The following FSTL5 variants were observed in gnomAD, a reference collection of about 807,000 sequenced individuals.
FSTL5 encodes the protein follistatin-related protein 5.
A neutral mutation model predicts 89.1 loss-of-function variants in FSTL5; 62 were observed. The observed-to-expected ratio is 0.70, with a 90% CI of 0.57 to 0.86. The LOEUF (loss-of-function observed/expected upper bound fraction) is 0.86, where lower values mean the gene tolerates loss of function less well. Among genes scored for constraint, FSTL5 ranks in the 40% least tolerant of loss-of-function variants. The pLI, the probability that FSTL5 is intolerant of heterozygous loss-of-function variation, is 0.00. For synonymous variants in FSTL5, 383 were observed against 346.2 expected (o/e 1.11, Z -1.18); for missense variants, 1,057 against 1,001.6 (o/e 1.06, Z -0.75).
intron 4 of FSTL5, among the ~76,000 whole-genome samples, chr4:161,787,214 G>T (rs894990417): frequency 3.3e-5 from 5 of 152,024 alleles, no homozygotes; most frequent in Admixed American, 3.3e-4. Context: ...GATGTTTAAG[G>T]TAACTGTGGA....
At position 161,565,782 on chromosome 4, in the gene FSTL5, C is replaced by CACACACAT. The variant is rs1180752677; in HGVS notation, c.1015+21672_1015+21673insATGTGTGT. 1.0e-3 allele frequency among the ~76,000 whole-genome samples: 149 copies of CACACACAT among 145,134 alleles called. No homozygotes were observed. In the Middle Eastern group the frequency reaches 0.011, roughly 11 times the overall value. On this transcript the variant is annotated intron_variant, in intron 8 of 15. Transcript: ENST00000306100. The stretch of plus-strand genomic sequence containing the variant: ...ACACACACACACACACACACACACA[C>CACACACAT]ATATATATGATATTTTCTTTATCTC...
At chr4:161,887,539 T>C (rs1317122967) in intron 4 of FSTL5, among the ~76,000 whole-genome samples, 2 of 152,116 alleles carry the variant, frequency 1.3e-5, no homozygotes, top group African/African-American at 4.8e-5. Context: ...AAATTTTCAA[T>C]GTTTCTCAGA....
intron 6 of FSTL5, among the ~76,000 whole-genome samples, chr4:161,694,789 T>C (rs1246399438): frequency 6.6e-6 from 1 of 151,706 alleles, no homozygotes; most frequent in Non-Finnish European, 1.5e-5. Flanking sequence ...ATTGCTGGTG[T>C]TATTGTTAAT....
intron 9 of FSTL5, 82 bp downstream of exon 9, chr4:161,542,450 T>G (rs1449484768): frequency 3.1e-6 from 3 of 974,418 alleles, no homozygotes; most frequent in Non-Finnish European, 4.2e-6. Flanking sequence ...CATTTTTCTT[T>G]TATTTTCCAA....
intron 6 of FSTL5, among the ~76,000 whole-genome samples, chr4:161,740,461 C>T (rs1475886446): frequency 6.6e-6 from 1 of 151,232 alleles, no homozygotes; most frequent in African/African-American, 2.4e-5. Context: ...TTTCAACCCC[C>T]ATATTATAAA....
At chr4:161,932,945 A>C (rs916410220) in intron 3 of FSTL5, among the ~76,000 whole-genome samples, 3 of 152,072 alleles carry the variant, frequency 2.0e-5, no homozygotes, top group Admixed American at 1.3e-4. Context: ...TAAATTCTCT[A>C]CAAGTTATAA....
chr4:161,504,101 TTTTA>T (rs1358773062), intron 11 of FSTL5, among the ~76,000 whole-genome samples: 3 of 151,946 alleles, frequency 2.0e-5, no homozygotes, highest in Non-Finnish European at 4.4e-5. Flanking sequence ...ATGTTTTACC[TTTTA>T]TTTGTTTGAA....
intron 4 of FSTL5, among the ~76,000 whole-genome samples, chr4:161,830,841 T>TA (rs914848797): frequency 2.8e-4 from 42 of 151,794 alleles, no homozygotes; most frequent in African/African-American, 7.7e-4. Flanking sequence ...CATAGTATGC[T>TA]AAAAAAAATT....
chr4:161,498,283 C>T (rs1411933609), intron 12 of FSTL5, among the ~76,000 whole-genome samples: 1 of 151,924 alleles, frequency 6.6e-6, no homozygotes, highest in East Asian at 1.9e-4. Flanking sequence ...ATCCTTGTTG[C>T]CCTGACATGT....
chr4:161,624,076 C>T (rs1285652505), intron 7 of FSTL5, among the ~76,000 whole-genome samples: 2 of 151,764 alleles, frequency 1.3e-5, no homozygotes, highest in African/African-American at 4.8e-5. Flanking sequence ...AAAATGCTTC[C>T]ACATGAGAGA....
intron 7 of FSTL5, among the ~76,000 whole-genome samples, chr4:161,627,739 G>A (rs1735364265): frequency 6.6e-6 from 1 of 151,940 alleles, no homozygotes; most frequent in Non-Finnish European, 1.5e-5. Context: ...TGACAATTTT[G>A]AATATCATGA....
intron 4 of FSTL5, among the ~76,000 whole-genome samples, chr4:161,855,003 G>GTTT (rs1221548568): frequency 3.1e-4 from 5 of 16,134 alleles, no homozygotes; most frequent in East Asian, 3.6e-3. Flanking sequence ...TGGTTGAGAG[G>GTTT]TTTTTTTTTT....
intron 13 of FSTL5, among the ~76,000 whole-genome samples, chr4:161,473,419 T>C (rs1222055979): frequency 8.1e-6 from 1 of 123,156 alleles, no homozygotes; most frequent in African/African-American, 3.0e-5. Flanking sequence ...TCTTTGTCTC[T>C]TGTAATTTTT....
intron 4 of FSTL5, among the ~76,000 whole-genome samples, chr4:161,881,564 C>T (rs897697381): frequency 1.3e-5 from 2 of 151,996 alleles, no homozygotes; most frequent in South Asian, 2.1e-4. Context: ...AACTCCAGCG[C>T]GTTTTTTGCT....
chr4:161,972,334 A>G (rs1735507282), intron 3 of FSTL5, among the ~76,000 whole-genome samples: 1 of 152,104 alleles, frequency 6.6e-6, no homozygotes, highest in Admixed American at 6.6e-5. Flanking sequence ...TCGGCCTCCT[A>G]AAGTGCTGGG....
intron 3 of FSTL5, among the ~76,000 whole-genome samples, chr4:161,967,039 A>G (rs1259612713): frequency 6.6e-6 from 1 of 151,952 alleles, no homozygotes; most frequent in Non-Finnish European, 1.5e-5. Flanking sequence ...ACCTCTCACC[A>G]TAAAGTTAAC....
intron 10 of FSTL5, among the ~76,000 whole-genome samples, chr4:161,533,166 A>AG (rs1470987469): frequency 4.4e-5 from 6 of 136,420 alleles, no homozygotes; most frequent in African/African-American, 1.5e-4. Flanking sequence ...ACTTAGAACT[A>AG]GGAAAAAAAA....
At chr4:161,665,913 T>C (rs1437915209) in intron 6 of FSTL5, among the ~76,000 whole-genome samples, 1 of 151,954 alleles carries the variant, frequency 6.6e-6, no homozygotes, top group Non-Finnish European at 1.5e-5. Context: ...CATTTAAATA[T>C]GAATGTTAAA....
At chr4:161,741,452 G>T (rs1334290265) in intron 6 of FSTL5, among the ~76,000 whole-genome samples, 2 of 152,072 alleles carry the variant, frequency 1.3e-5, no homozygotes, top group African/African-American at 2.4e-5. Flanking sequence ...GAAGCTGAAC[G>T]CAGCCCTGGT....
Sources: allele counts gnomAD v4.1 joint callset (sites outside exome capture counted in the v4.1 genomes callset), GRCh38; gene constraint gnomAD v4.1.1; transcripts MANE v1.5; gene names NCBI Gene and HGNC (gene_info 2026-07-23, HGNC 2026-07-21).